The following PTPRT variants were observed in gnomAD, a reference collection of about 807,000 sequenced individuals.
PTPRT encodes the protein receptor-type tyrosine-protein phosphatase T.
In PTPRT, 56 loss-of-function variants were observed where a neutral mutation model predicts 176.8. The observed-to-expected ratio is 0.32, with a 90% confidence interval of 0.26 to 0.40. The LOEUF is 0.40. Ranked by LOEUF, PTPRT falls within the 10% of genes least tolerant of loss-of-function variation. PTPRT has a pLI of 1.00. For synonymous variants in PTPRT, 783 were observed against 739.0 expected, an observed-to-expected ratio of 1.06 and a Z score of -0.96; for missense variants, 1,540 against 1,908.2, an observed-to-expected ratio of 0.81 and a Z score of 3.60.
At chr20:42,411,226 C>T (rs967814810) in intron 9 of PTPRT, among the ~76,000 whole-genome samples, 5 of 152,096 alleles carry the variant, frequency 3.3e-5, no homozygotes, top group Non-Finnish European at 7.4e-5. Flanking sequence ...GGGCAGATCA[C>T]TTGAGGCCAA....
At chr20:42,397,636 G>T (rs2058864421) in intron 9 of PTPRT, among the ~76,000 whole-genome samples, 1 of 152,098 alleles carries the variant, frequency 6.6e-6, no homozygotes, top group Admixed American at 6.6e-5. Context: ...TCTTTTTCGG[G>T]TCTGCATAAT....
At chr20:42,933,374 C>T in intron 1 of PTPRT, among the ~76,000 whole-genome samples, 1 of 152,210 alleles carries the variant, frequency 6.6e-6, no homozygotes, top group Non-Finnish European at 1.5e-5. Context: ...CTTCACTTCA[C>T]TGTATTGCAA....
intron 7 of PTPRT, among the ~76,000 whole-genome samples, chr20:42,565,731 A>C (rs1336388428): frequency 1.3e-5 from 2 of 152,092 alleles, no homozygotes; most frequent in Non-Finnish European, 2.9e-5. Context: ...AGGCCTTTGG[A>C]TCAAGGGGAT....
intron 1 of PTPRT, among the ~76,000 whole-genome samples, chr20:43,097,325 G>A (rs1407030899): frequency 6.6e-6 from 1 of 152,068 alleles, no homozygotes; most frequent in Non-Finnish European, 1.5e-5. Flanking sequence ...TCAGAAAACG[G>A]GTTAAACCAG....
At chr20:42,893,464 G>A (rs1269187181) in intron 1 of PTPRT, among the ~76,000 whole-genome samples, 3 of 151,176 alleles carry the variant, frequency 2.0e-5, no homozygotes, top group South Asian at 2.1e-4. Flanking sequence ...GATTCCTCAG[G>A]GATCTAGAAC....
chr20:42,076,180 G>T lies in PTPRT; in HGVS notation c.*4699C>A, dbSNP rs1051824121. ...GAATTAATTGTGCCATAGTAATCTC[G>T]ATTTCCTAATAGTGCCCCCTCCAAG... On this transcript the variant is annotated 3_prime_UTR_variant, in exon 31 of 31. Coordinates refer to ENST00000373187, the MANE Select transcript of PTPRT (RefSeq NM_007050.6). 1 of 203,658 alleles carries T rather than the reference G, an allele frequency of 4.9e-6. No homozygotes were observed. The highest frequency in any genetic ancestry group is 7.5e-5 in the East Asian group (1 of 13,344). 12.6% of individuals were successfully genotyped at this position (203,658 alleles called of 1,614,324 possible). A position where few individuals can be genotyped will look rare whatever the true frequency, so the allele number is the denominator to read the frequency against.
At chr20:42,405,923 A>G (rs2058956894) in intron 9 of PTPRT, among the ~76,000 whole-genome samples, 1 of 152,206 alleles carries the variant, frequency 6.6e-6, no homozygotes, top group Admixed American at 6.5e-5. Context: ...AATATAATTC[A>G]ATTAAAAAGA....
intron 9 of PTPRT, among the ~76,000 whole-genome samples, chr20:42,411,878 G>A (rs1368226640): frequency 6.6e-6 from 1 of 151,744 alleles, no homozygotes; most frequent in African/African-American, 2.4e-5. Flanking sequence ...AGAAAGAATA[G>A]TACTTTTAGG....
chr20:42,814,605 G>A (rs1308539149), intron 2 of PTPRT, among the ~76,000 whole-genome samples: 8 of 152,268 alleles, frequency 5.3e-5, no homozygotes, highest in South Asian at 4.1e-4. Context: ...TAGGAATCAC[G>A]TAGCACATTC....
intron 13 of PTPRT, among the ~76,000 whole-genome samples, chr20:42,253,199 C>T (rs2056577793): frequency 6.6e-6 from 1 of 152,132 alleles, no homozygotes; most frequent in African/African-American, 2.4e-5. Flanking sequence ...ATCTTAAATG[C>T]TCAGTGGAGC....
At chr20:42,978,100 G>T (rs1016479578) in intron 1 of PTPRT, among the ~76,000 whole-genome samples, 6 of 151,936 alleles carry the variant, frequency 3.9e-5, no homozygotes, top group Admixed American at 3.9e-4. Context: ...TCCAGTGGAT[G>T]CCTGGTGCAT....
chr20:42,049,052 T>C, the PTPRT span, among the ~76,000 whole-genome samples: 1 of 152,164 alleles, frequency 6.6e-6, no homozygotes, highest in Non-Finnish European at 1.5e-5. Context: ...ACTCCTGATC[T>C]CAGGTGGTCC....
At chr20:42,323,163 G>C (rs1451103127) in intron 11 of PTPRT, among the ~76,000 whole-genome samples, 1 of 152,222 alleles carries the variant, frequency 6.6e-6, no homozygotes, top group East Asian at 1.9e-4. Flanking sequence ...CTGTTGGTGG[G>C]ACTGTAATCC....
intron 23 of PTPRT, among the ~76,000 whole-genome samples, 179 bp downstream of exon 23, chr20:42,110,154 C>T (rs1314646381): frequency 6.6e-6 from 1 of 151,518 alleles, no homozygotes; most frequent in Non-Finnish European, 1.5e-5. Flanking sequence ...TCAAGCGATT[C>T]CTCTGCCTCA....
At chr20:43,046,347 G>A (rs369118080) in intron 1 of PTPRT, among the ~76,000 whole-genome samples, 15 of 152,048 alleles carry the variant, frequency 9.9e-5, no homozygotes, top group African/African-American at 2.9e-4. Flanking sequence ...TGAGGCAGGC[G>A]GATCATGAGG....
chr20:43,128,572 G>A (rs565549549), intron 1 of PTPRT, among the ~76,000 whole-genome samples: 3 of 152,342 alleles, frequency 2.0e-5, no homozygotes, highest in Admixed American at 2.0e-4. Context: ...CACTGGGTAG[G>A]TCACCAAATG....
At chr20:42,166,011 A>G (rs567814538) in intron 16 of PTPRT, among the ~76,000 whole-genome samples, 4 of 152,360 alleles carry the variant, frequency 2.6e-5, no homozygotes, top group African/African-American at 4.8e-5. Context: ...TATTAATGCT[A>G]TATTTTTACA....
At chr20:42,751,229 C>T (rs2076765365) in intron 6 of PTPRT, among the ~76,000 whole-genome samples, 2 of 152,134 alleles carry the variant, frequency 1.3e-5, no homozygotes, top group South Asian at 4.1e-4. Flanking sequence ...CTCCCAGAAC[C>T]CTCGGGTGCT....
Position 43,132,295 on chromosome 20 carries a change from G to A in PTPRT, c.88+57351C>T, listed in dbSNP as rs958527958. Reference sequence around the variant, plus strand: ...TAGAAAAACTAAGATTTCAGTAGGTGGATTTTAAAAAAACATAAGAAATCA... The same window carrying A: ...TAGAAAAACTAAGATTTCAGTAGGTAGATTTTAAAAAAACATAAGAAATCA... On this transcript the variant is annotated intron_variant, in intron 1 of 30. Transcript: ENST00000373187. Among the ~76,000 whole-genome samples, 7 of 151,630 alleles carry A rather than the reference G, an allele frequency of 4.6e-5. No individual in the cohort carries two copies. The East Asian group carries it at 7.7e-4, about 17-fold the overall frequency.
Sources: gnomAD v4.1 joint callset for allele counts (sites outside exome capture counted in the v4.1 genomes callset) on GRCh38, gnomAD v4.1.1 for gene constraint, MANE v1.5 for transcripts, NCBI Gene and HGNC (gene_info 2026-07-23, HGNC 2026-07-21) for gene names.